The following PDSS2 variants were observed in gnomAD, a reference collection of about 807,000 sequenced individuals.
PDSS2 encodes all trans-polyprenyl-diphosphate synthase PDSS2.
Under a neutral mutation model 44.5 loss-of-function variants are expected in PDSS2, and 31 were observed. That is an observed-to-expected ratio of 0.70 (90% CI 0.52 to 0.94). The LOEUF (loss-of-function observed/expected upper bound fraction) is 0.94, where lower values mean the gene tolerates loss of function less well. Ranked by LOEUF, PDSS2 falls within the 40% of genes least tolerant of loss-of-function variation. The pLI is 0.00. For missense variants in PDSS2, 452 were observed against 482.2 expected (o/e 0.94, Z 0.59); for synonymous variants, 157 against 180.3 (o/e 0.87, Z 1.03).
At chr6:107,276,501 G>C (rs777049789) in intron 2 of PDSS2, among the ~76,000 whole-genome samples, 1 of 152,162 alleles carries the variant, frequency 6.6e-6, no homozygotes, top group African/African-American at 2.4e-5. Flanking sequence ...CATCCATATC[G>C]AGACCTAACA....
chr6:107,241,710 T>G (rs9386630), intron 4 of PDSS2, among the ~76,000 whole-genome samples: 115,648 of 152,084 alleles, frequency 0.76, 45,396 homozygotes, highest in East Asian at 0.99. Flanking sequence ...CCTTGCATTT[T>G]TTGCTATGCA....
chr6:107,424,709 T>A (rs1410814919), intron 1 of PDSS2, among the ~76,000 whole-genome samples: 1 of 152,232 alleles, frequency 6.6e-6, no homozygotes, highest in Non-Finnish European at 1.5e-5. Flanking sequence ...ACCTTTGGTA[T>A]ATGTCTTTCA....
intron 1 of PDSS2, among the ~76,000 whole-genome samples, chr6:107,386,416 ATATT>A (rs1779614429): frequency 6.6e-6 from 1 of 151,494 alleles, no homozygotes; most frequent in South Asian, 2.1e-4. Flanking sequence ...ATTGGATCCT[ATATT>A]TAAGTGTTAT....
intron 4 of PDSS2, among the ~76,000 whole-genome samples, chr6:107,224,324 G>A (rs541428169): frequency 6.6e-6 from 1 of 151,310 alleles, no homozygotes; most frequent in East Asian, 1.9e-4. Context: ...ATTTAGGAAA[G>A]GATATATCAT....
chr6:107,180,981 AT>A (rs1272359771), intron 7 of PDSS2, among the ~76,000 whole-genome samples: 2 of 152,024 alleles, frequency 1.3e-5, no homozygotes, highest in Non-Finnish European at 2.9e-5. Flanking sequence ...AGTAGCTGGG[AT>A]TACAGGCATG....
At chr6:107,288,747 G>A (rs1041450865) in intron 2 of PDSS2, among the ~76,000 whole-genome samples, 8 of 139,410 alleles carry the variant, frequency 5.7e-5, no homozygotes, top group Non-Finnish European at 9.1e-5. Context: ...ATGCCGGGAC[G>A]AAATTGTTTT....
intron 6 of PDSS2, among the ~76,000 whole-genome samples, chr6:107,201,630 T>C (rs1031364680): frequency 6.6e-6 from 1 of 152,206 alleles, no homozygotes; most frequent in African/African-American, 2.4e-5. Context: ...ACTACTGTTA[T>C]CTGGAGTTGA....
At chr6:107,446,224 G>A (rs1781674548) in intron 1 of PDSS2, among the ~76,000 whole-genome samples, 1 of 151,982 alleles carries the variant, frequency 6.6e-6, no homozygotes, top group Admixed American at 6.6e-5. Context: ...GCTGAGGCAG[G>A]AGAATTGCTT....
chr6:107,413,859 G>T (rs1780578884), intron 1 of PDSS2, among the ~76,000 whole-genome samples: 1 of 152,204 alleles, frequency 6.6e-6, no homozygotes, highest in Non-Finnish European at 1.5e-5. Context: ...ATAGGTAGGT[G>T]AGGTTAGGCT....
At chr6:107,389,894 G>C (rs1257721760) in intron 1 of PDSS2, among the ~76,000 whole-genome samples, 1 of 152,026 alleles carries the variant, frequency 6.6e-6, no homozygotes, top group Non-Finnish European at 1.5e-5. Flanking sequence ...GAAAATACAA[G>C]ATAAACCAGA....
intron 2 of PDSS2, among the ~76,000 whole-genome samples, chr6:107,315,931 A>G (rs958748075): frequency 2.0e-5 from 3 of 152,232 alleles, no homozygotes; most frequent in African/African-American, 7.2e-5. Flanking sequence ...ATACAGTTTT[A>G]GAAATCCTTT....
chr6:107,264,638 C>T, intron 3 of PDSS2: 1 of 604,994 alleles, frequency 1.7e-6, no homozygotes, highest in Middle Eastern at 4.1e-4. Flanking sequence ...GTCTTATTTG[C>T]ACTGTGGCTT....
At chr6:107,187,323 G>A (rs1772203556) in intron 7 of PDSS2, among the ~76,000 whole-genome samples, 1 of 152,152 alleles carries the variant, frequency 6.6e-6, no homozygotes, top group Admixed American at 6.6e-5. Flanking sequence ...CTGGGCACTT[G>A]AAAAGACAAC....
At chr6:107,358,170 T>C (rs530889721) in intron 1 of PDSS2, among the ~76,000 whole-genome samples, 2 of 152,328 alleles carry the variant, frequency 1.3e-5, no homozygotes, top group Middle Eastern at 3.4e-3. Context: ...AAAAATACTA[T>C]GTGAAATTAC....
At chr6:107,363,591 A>T (rs1427419600) in intron 1 of PDSS2, among the ~76,000 whole-genome samples, 2 of 152,188 alleles carry the variant, frequency 1.3e-5, no homozygotes, top group Non-Finnish European at 2.9e-5. Context: ...GCGTGGACCC[A>T]AAGAGTGAGC....
chr6:107,172,197 C>T (rs900241981), intron 7 of PDSS2, among the ~76,000 whole-genome samples: 3 of 152,086 alleles, frequency 2.0e-5, no homozygotes, highest in African/African-American at 4.8e-5. Context: ...TATTAAACAC[C>T]TTTTGAATGA....
intron 1 of PDSS2, among the ~76,000 whole-genome samples, chr6:107,380,625 C>A (rs1428366600): frequency 6.6e-6 from 1 of 152,122 alleles, no homozygotes; most frequent in Non-Finnish European, 1.5e-5. Flanking sequence ...CTCAAGTTAT[C>A]CAGATTCAGT....
chr6:107,225,145 A>ATATATATT (rs1773752938), intron 4 of PDSS2, among the ~76,000 whole-genome samples: 1 of 49,310 alleles, frequency 2.0e-5, no homozygotes, highest in Admixed American at 2.1e-4. Flanking sequence ...TTTTATATAT[A>ATATATATT]TATATATATA....
chr6:107,207,746 A>G (rs997971105), intron 6 of PDSS2, among the ~76,000 whole-genome samples: 6 of 150,282 alleles, frequency 4.0e-5, no homozygotes, highest in African/African-American at 1.5e-4. Context: ...AGTAGCTGGG[A>G]TTACAGGCCC....
Sources: gnomAD v4.1 joint callset for allele counts (sites outside exome capture counted in the v4.1 genomes callset) on GRCh38, gnomAD v4.1.1 for gene constraint, MANE v1.5 for transcripts, NCBI Gene and HGNC (gene_info 2026-07-23, HGNC 2026-07-21) for gene names.